NRP1: variants seen among roughly 807,000 people sequenced by gnomAD.
The protein encoded by NRP1 is neuropilin 1, also known as neuropilin-1.
NRP1 carries 35 observed loss-of-function variants against 106.7 expected under a neutral mutation model. That is an observed-to-expected ratio of 0.33 (90% CI 0.25 to 0.43). NRP1 has a LOEUF of 0.43. Ranked by LOEUF, NRP1 falls within the 20% of genes least tolerant of loss-of-function variation. The probability of loss-of-function intolerance (pLI) is 1.00; values close to 1 mark genes in which losing one functional copy is unlikely to be tolerated. For synonymous variants in NRP1, 437 were observed against 417.9 expected (o/e 1.05, Z -0.56); for missense variants, 1,024 against 1,170.4 (o/e 0.87, Z 1.83).
At chr10:33,275,622 G>T (rs1211708361) in intron 2 of NRP1, among the ~76,000 whole-genome samples, 1 of 151,962 alleles carries the variant, frequency 6.6e-6, no homozygotes, top group African/African-American at 2.4e-5. Context: ...TTCAGGCCAG[G>T]CGTGGAGGCT....
intron 9 of NRP1, chr10:33,211,152 T>C (rs1383321891): frequency 2.0e-5 from 3 of 152,244 alleles, no homozygotes; most frequent in Non-Finnish European, 4.4e-5. Flanking sequence ...CTGGATTTAC[T>C]ACAGAAGAGT....
chr10:33,259,528 G>T (rs772044283), intron 4 of NRP1, among the ~76,000 whole-genome samples: 17 of 152,086 alleles, frequency 1.1e-4, no homozygotes, highest in African/African-American at 4.1e-4. Flanking sequence ...GGACCGAAGC[G>T]CCGAGGAGAT....
At chr10:33,303,181 C>T (rs1845924085) in intron 2 of NRP1, among the ~76,000 whole-genome samples, 1 of 152,184 alleles carries the variant, frequency 6.6e-6, no homozygotes, top group African/African-American at 2.4e-5. Context: ...TTTTCCTCTA[C>T]CTTCTTTCTA....
intron 2 of NRP1, among the ~76,000 whole-genome samples, chr10:33,296,305 C>T (rs867825347): frequency 2.6e-5 from 4 of 152,162 alleles, no homozygotes; most frequent in African/African-American, 9.7e-5. Flanking sequence ...GCCAGGTTGC[C>T]TCCCTAGTAA....
At chr10:33,242,694 A>G (rs904443089) in intron 6 of NRP1, among the ~76,000 whole-genome samples, 1 of 152,110 alleles carries the variant, frequency 6.6e-6, no homozygotes, top group African/African-American at 2.4e-5. Flanking sequence ...CAGATCCTCA[A>G]ACTTAAGGCT....
chr10:33,197,922 C>T (rs1166810367), intron 11 of NRP1, among the ~76,000 whole-genome samples: 5 of 151,064 alleles, frequency 3.3e-5, no homozygotes, highest in South Asian at 4.2e-4. Flanking sequence ...TAACGCATTT[C>T]TTTTAAAAAT....
chr10:33,181,962 G>A (rs1255003289), intron 16 of NRP1, among the ~76,000 whole-genome samples: 1 of 152,114 alleles, frequency 6.6e-6, no homozygotes, highest in Non-Finnish European at 1.5e-5. Flanking sequence ...AGTTGAGTGT[G>A]GTGGTGTGGG....
At chr10:33,231,104 T>G (rs1009061363) in intron 6 of NRP1, among the ~76,000 whole-genome samples, 1 of 152,216 alleles carries the variant, frequency 6.6e-6, no homozygotes, top group Non-Finnish European at 1.5e-5. Context: ...ACAAAGTTCC[T>G]TTGCCCTAAA....
At chr10:33,202,672 G>C (rs1837432508) in intron 11 of NRP1, 2 of 1,545,390 alleles carry the variant, frequency 1.3e-6, no homozygotes, top group African/African-American at 2.7e-5. Flanking sequence ...CTCTCGAAAT[G>C]GCTCAAATTA....
chr10:33,282,381 A>G (rs1221387062), intron 2 of NRP1, among the ~76,000 whole-genome samples: 2 of 152,238 alleles, frequency 1.3e-5, no homozygotes, highest in African/African-American at 4.8e-5. Context: ...AAATGAAGCA[A>G]TAATTCTGTT....
chr10:33,221,303 C>T (rs1839223685), intron 8 of NRP1, among the ~76,000 whole-genome samples: 1 of 152,244 alleles, frequency 6.6e-6, no homozygotes, highest in Non-Finnish European at 1.5e-5. Flanking sequence ...AGTCAGTATC[C>T]AGGAAGCAGA....
At chr10:33,192,182 C>T (rs757765698) in intron 13 of NRP1, 99 bp downstream of exon 13, 31 of 1,305,058 alleles carry the variant, frequency 2.4e-5, no homozygotes, top group South Asian at 5.9e-5. Context: ...AATTCCTACC[C>T]GCCCTAAATT....
At chr10:33,190,304 C>T (rs576713668) in intron 13 of NRP1, among the ~76,000 whole-genome samples, 1 of 152,334 alleles carries the variant, frequency 6.6e-6, no homozygotes, top group East Asian at 1.9e-4. Context: ...TCCACCATTA[C>T]TGCCTTCATT....
intron 2 of NRP1, among the ~76,000 whole-genome samples, chr10:33,272,979 A>T (rs1045426075): frequency 6.6e-6 from 1 of 151,590 alleles, no homozygotes; most frequent in Non-Finnish European, 1.5e-5. Flanking sequence ...GTGCCGGTGG[A>T]TTGCAACAGG....
chr10:33,190,950 C>A (rs1482481115), intron 13 of NRP1, among the ~76,000 whole-genome samples: 1 of 152,086 alleles, frequency 6.6e-6, no homozygotes, highest in Non-Finnish European at 1.5e-5. Context: ...AACTCCTAGG[C>A]TCAAAGGATC....
chr10:33,201,851 C>CA (rs1837338179), intron 11 of NRP1: 1 of 151,976 alleles, frequency 6.6e-6, no homozygotes, highest in African/African-American at 2.4e-5. Flanking sequence ...TCTTAGAGTG[C>CA]AGAGCCCTCT....
chr10:33,203,722 C>CTTTTTT lies in NRP1; in HGVS notation c.1760-733_1760-728dup, dbSNP rs34343692. On this transcript the variant is annotated intron_variant, in intron 10 of 16. Coordinates refer to ENST00000374867, the MANE Select transcript of NRP1 (RefSeq NM_003873.7). Reference sequence around the variant, plus strand: ...GGTATCCAATATTAATCAAAGACTGCTTTTTTTTTTTTTTTTTTTTTTTTT... The same window carrying CTTTTTT: ...GGTATCCAATATTAATCAAAGACTGCTTTTTTTTTTTTTTTTTTTTTTTTTTTTTTT... Among the ~76,000 whole-genome samples the CTTTTTT allele has an allele frequency of 1.0e-4, 7 of 68,138 alleles. 1 individual carries two copies. The highest frequency in any genetic ancestry group is 2.8e-4 in the African/African-American group (4 of 14,218). The allele number at this position is 68,138 out of a possible 152,430, so 44.7% of individuals were successfully genotyped here. A position where few individuals can be genotyped will look rare whatever the true frequency, so the allele number is the denominator to read the frequency against.
intron 2 of NRP1, 52 bp downstream of exon 2, chr10:33,330,656 C>A: frequency 6.7e-7 from 1 of 1,493,018 alleles, no homozygotes; most frequent in Non-Finnish European, 9.1e-7. Context: ...CGTAGACAGG[C>A]GTGACCACTA....
rs117052787 is a variant in NRP1, at chr10:33,289,663, A to G, written c.249-18807T>C. ...TGACATTAGCGTGTGTTAGATACAC[A>G]TACGAATGGTAAGTTTTGCCTGATG... is the stretch of plus-strand genomic sequence containing the variant. On this transcript the variant is annotated intron_variant, in intron 2 of 16. Transcript: ENST00000374867. Among the ~76,000 whole-genome samples the G allele has an allele frequency of 2.3e-3, 353 of 152,334 alleles. 13 individuals are homozygous for G. In the East Asian group the frequency reaches 0.062, roughly 27 times the overall value.
Sources: allele counts gnomAD v4.1 joint callset (sites outside exome capture counted in the v4.1 genomes callset), GRCh38; gene constraint gnomAD v4.1.1; transcripts MANE v1.5; gene names NCBI Gene and HGNC (gene_info 2026-07-23, HGNC 2026-07-21).